Variants in PPP1R8 observed in about 807,000 individuals in gnomAD.
PPP1R8 encodes the protein nuclear inhibitor of protein phosphatase 1.
Under a neutral mutation model 31.3 loss-of-function variants are expected in PPP1R8, and 4 were observed. The ratio of observed to expected loss-of-function variants is 0.13; its 90% CI spans 0.06 to 0.29. PPP1R8 has a LOEUF of 0.29. PPP1R8 is among the 10% of genes least tolerant of loss of function. The pLI, the probability that PPP1R8 is intolerant of heterozygous loss-of-function variation, is 1.00. For synonymous variants in PPP1R8, 170 were observed against 169.7 expected (o/e 1.00, Z -0.01); for missense variants, 254 against 440.1 (o/e 0.58, Z 3.78).
intron 2 of PPP1R8, among the ~76,000 whole-genome samples, chr1:27,835,562 A>G (rs2089155709): frequency 6.6e-6 from 1 of 152,240 alleles, no homozygotes. Context: ...GGTGACCCAC[A>G]TATCCAAGCT....
chr1:27,847,476 C>T (rs1210369723), intron 6 of PPP1R8, among the ~76,000 whole-genome samples: 1 of 148,488 alleles, frequency 6.7e-6, no homozygotes, highest in African/African-American at 2.5e-5. Flanking sequence ...CATTGCACTC[C>T]AGCCTGGGCA....
chr1:27,843,411 C>T (rs1484584835), intron 5 of PPP1R8, 81 bp downstream of exon 5: 2 of 1,559,812 alleles, frequency 1.3e-6, no homozygotes, highest in Non-Finnish European at 1.8e-6. Flanking sequence ...AGTCCTAGCA[C>T]TTTGGGAGGC....
chr1:27,835,714 A>T (rs2089158046), intron 2 of PPP1R8, among the ~76,000 whole-genome samples: 1 of 152,258 alleles, frequency 6.6e-6, no homozygotes, highest in Non-Finnish European at 1.5e-5. Flanking sequence ...TGTAAGTAGA[A>T]TGAAGAAAAT....
chr1:27,847,016 C>T lies in PPP1R8; in HGVS notation c.638-12C>T, dbSNP rs781317991. 1.2e-6 allele frequency: 2 copies of T among 1,613,648 alleles called. No homozygotes were observed. Among genetic ancestry groups the T allele is most frequent in the Non-Finnish European group, 1.7e-6 (2 of 1,179,558 alleles). ...AGTACCAACCCAACCCTGCCCTCTT[C>T]TCTTTTTGCAGAGGATGTGGATCCC... On this transcript the variant is annotated splice_polypyrimidine_tract_variant and intron_variant, in intron 5 of 6. Transcript: ENST00000311772.
In PPP1R8 at chr1:27,830,794, CG is replaced by C; in HGVS notation, c.-40del. On this transcript the variant is annotated 5_prime_UTR_variant, in exon 1 of 7. Coordinates refer to ENST00000311772, the MANE Select transcript of PPP1R8 (RefSeq NM_014110.5). ...TTCCCTTCTCGGTCTTCCAGTTTCC[CG>C]GCGTGCTTAGGGCGCGCCAAATGGG... 6.4e-7 allele frequency: 1 copy of C among 1,557,974 alleles called. No homozygotes were observed. Among genetic ancestry groups the C allele is most frequent in the Non-Finnish European group, 8.7e-7 (1 of 1,151,716 alleles).
intron 2 of PPP1R8, among the ~76,000 whole-genome samples, chr1:27,837,521 T>A (rs190363138): frequency 6.9e-6 from 1 of 144,564 alleles, no homozygotes; most frequent in Admixed American, 6.8e-5. Context: ...TGGCTCATGC[T>A]TGTAATCCCA....
intron 5 of PPP1R8, among the ~76,000 whole-genome samples, chr1:27,843,868 G>A (rs1003167122): frequency 5.9e-5 from 9 of 152,260 alleles, no homozygotes; most frequent in East Asian, 3.9e-4. Context: ...CAGGAGAATC[G>A]CTTAAACCTG....
intron 2 of PPP1R8, among the ~76,000 whole-genome samples, chr1:27,836,336 G>A (rs971385793): frequency 4.6e-5 from 7 of 152,206 alleles, no homozygotes; most frequent in South Asian, 4.1e-4. Flanking sequence ...GTTTATAACC[G>A]ATCTGTGGCA....
chr1:27,846,702 C>T (rs1424043532), intron 5 of PPP1R8, among the ~76,000 whole-genome samples: 2 of 152,208 alleles, frequency 1.3e-5, no homozygotes, highest in Admixed American at 6.5e-5. Flanking sequence ...GAGGGCAGCA[C>T]AGCACAGTGG....
intron 2 of PPP1R8, among the ~76,000 whole-genome samples, chr1:27,833,943 T>C (rs1179648287): frequency 6.6e-6 from 1 of 152,252 alleles, no homozygotes; most frequent in Non-Finnish European, 1.5e-5. Flanking sequence ...AGAGCCCCTT[T>C]GTCATGGGTT....
In PPP1R8 at chr1:27,831,027, C is replaced by G. The variant is rs1035948476; in HGVS notation, c.56+136C>G. 1.9e-5 allele frequency: 26 copies of G among 1,404,294 alleles called. No individual in the cohort carries two copies. In the African/African-American group the frequency reaches 2.5e-4, roughly 14 times the overall value. 87.0% of individuals were successfully genotyped at this position (1,404,294 alleles called of 1,614,324 possible). A position where few individuals can be genotyped will look rare whatever the true frequency, so the allele number is the denominator to read the frequency against. On this transcript the variant is annotated intron_variant, in intron 1 of 6. Transcript: ENST00000311772. ...GGAATGGTTGAGGAAAAACTGTTTG[C>G]TGCACCGGGCCGGGCGACGTGTTGA...
rs1366456361 is a variant in PPP1R8, at chr1:27,841,163, GAGA to G, written c.425_427del (p.Lys142del). 6.2e-7 allele frequency: 1 copy of G among 1,614,238 alleles called. No individual in the cohort carries two copies. ...ATTGCCATCGGCTGTGAAAGGAGATGAGAAGATGGGTGGAGAGGATGATGAACT... is the reference window on the plus strand; with the variant it reads ...ATTGCCATCGGCTGTGAAAGGAGATGAGATGGGTGGAGAGGATGATGAACT... On this transcript the variant is annotated inframe_deletion, in exon 4 of 7. Transcript: ENST00000311772.
chr1:27,850,999 T>C lies in PPP1R8; in HGVS notation c.*553T>C, dbSNP rs1412528036. ...TTGAGGTCCAGTAGCTAGGCTTTTC[T>C]CTTTTGTCCTTCCTGTTGGAATGAA... On this transcript the variant is annotated 3_prime_UTR_variant, in exon 7 of 7. Coordinates refer to ENST00000311772, the MANE Select transcript of PPP1R8 (RefSeq NM_014110.5). 6.5e-6 allele frequency: 1 copy of C among 153,898 alleles called. No homozygotes were observed. The highest frequency in any genetic ancestry group is 6.4e-5 in the Admixed American group (1 of 15,584). The allele number at this position is 153,898 out of a possible 1,614,324, so 9.5% of individuals were successfully genotyped here.
At chr1:27,834,297 T>C (rs2089140282) in intron 2 of PPP1R8, 2 of 416,640 alleles carry the variant, frequency 4.8e-6, no homozygotes. Context: ...TGTTGTTAAG[T>C]GTGCTGAGTT....
At chr1:27,833,865 A>G (rs1158478671) in intron 2 of PPP1R8, among the ~76,000 whole-genome samples, 2 of 152,238 alleles carry the variant, frequency 1.3e-5, no homozygotes, top group Non-Finnish European at 2.9e-5. Context: ...TTTGCAAAGT[A>G]TTAAGGCATG....
At chr1:27,834,418 C>T (rs765619237) in intron 2 of PPP1R8, 33 of 518,504 alleles carry the variant, frequency 6.4e-5, no homozygotes, top group South Asian at 3.1e-4. Context: ...TGATACTAAC[C>T]GAGCTGTCTA....
intron 2 of PPP1R8, among the ~76,000 whole-genome samples, chr1:27,836,695 G>A (rs2089169653): frequency 6.6e-6 from 1 of 152,102 alleles, no homozygotes; most frequent in African/African-American, 2.4e-5. Context: ...TGGGATTACA[G>A]GTTTGAGCCA....
chr1:27,841,947 T>C (rs1557429221), intron 4 of PPP1R8, among the ~76,000 whole-genome samples: 1 of 152,248 alleles, frequency 6.6e-6, no homozygotes. Context: ...TCTGTTCAAA[T>C]AGACCAAATG....
chr1:27,833,832 A>T (rs2089135609), intron 2 of PPP1R8, among the ~76,000 whole-genome samples: 2 of 152,274 alleles, frequency 1.3e-5, no homozygotes, highest in South Asian at 4.1e-4. Context: ...CACTTTTGAG[A>T]TGTTGTAGAG....
Sources: allele counts gnomAD v4.1 joint callset (sites outside exome capture counted in the v4.1 genomes callset), GRCh38; gene constraint gnomAD v4.1.1; transcripts MANE v1.5; gene names NCBI Gene and HGNC (gene_info 2026-07-23, HGNC 2026-07-21).